C12orf42: variants seen among roughly 807,000 people sequenced by gnomAD.
The protein encoded by C12orf42 is uncharacterized protein C12orf42.
A neutral mutation model predicts 21.6 loss-of-function variants in C12orf42; 25 were observed. The observed-to-expected ratio is 1.16, with a 90% CI of 0.84 to 1.62. The LOEUF (loss-of-function observed/expected upper bound fraction) is 1.62, where lower values mean the gene tolerates loss of function less well. C12orf42 is among the 40% of genes most tolerant of loss of function. The pLI is 0.00. For missense variants in C12orf42, 483 were observed against 459.3 expected, an observed-to-expected ratio of 1.05 and a Z score of -0.47; for synonymous variants, 174 against 175.0, an observed-to-expected ratio of 0.99 and a Z score of 0.05.
chr12:103,290,127 C>T (rs1447487077), intron 4 of C12orf42, among the ~76,000 whole-genome samples: 2 of 152,144 alleles, frequency 1.3e-5, no homozygotes, highest in Non-Finnish European at 2.9e-5. Context: ...TGCATATCAG[C>T]ATCCTAAGAT....
At chr12:103,309,742 G>A (rs1044682141) in intron 4 of C12orf42, among the ~76,000 whole-genome samples, 4 of 152,216 alleles carry the variant, frequency 2.6e-5, no homozygotes, top group South Asian at 2.1e-4. Context: ...AGAAGCAACC[G>A]TGCTGGACTG....
At chr12:103,068,045 A>G in the C12orf42 span, among the ~76,000 whole-genome samples, 1 of 152,178 alleles carries the variant, frequency 6.6e-6, no homozygotes, top group African/African-American at 2.4e-5. Context: ...GTGTCACTCC[A>G]CCAGCAAAAA....
intron 4 of C12orf42, among the ~76,000 whole-genome samples, chr12:103,284,842 T>A (rs1408242132): frequency 1.3e-5 from 2 of 152,182 alleles, no homozygotes; most frequent in African/African-American, 4.8e-5. Flanking sequence ...TAAAGACTAC[T>A]ATAATATAAG....
chr12:103,091,558 T>TA, the C12orf42 span, among the ~76,000 whole-genome samples: 2 of 152,118 alleles, frequency 1.3e-5, no homozygotes, highest in African/African-American at 4.8e-5. Flanking sequence ...AAGTTCCATC[T>TA]AAAAAAATTC....
At chr12:103,317,941 T>C (rs990151408) in intron 4 of C12orf42, among the ~76,000 whole-genome samples, 4 of 152,206 alleles carry the variant, frequency 2.6e-5, no homozygotes, top group African/African-American at 9.6e-5. Context: ...GTATCCACAA[T>C]GTATTTGTCC....
intron 2 of C12orf42, among the ~76,000 whole-genome samples, chr12:103,447,256 A>G (rs1031036661): frequency 2.6e-5 from 4 of 151,974 alleles, no homozygotes; most frequent in African/African-American, 7.2e-5. Flanking sequence ...CTGCTCCTGA[A>G]TGATCACTGG....
At chr12:103,133,745 C>T in the C12orf42 span, among the ~76,000 whole-genome samples, 47 of 152,246 alleles carry the variant, frequency 3.1e-4, no homozygotes, top group East Asian at 8.7e-3. Context: ...TTCCGTAATC[C>T]CCACGTGTGG....
At chr12:103,091,297 C>A in the C12orf42 span, among the ~76,000 whole-genome samples, 1 of 151,958 alleles carries the variant, frequency 6.6e-6, no homozygotes, top group Non-Finnish European at 1.5e-5. Flanking sequence ...AAAACTACCC[C>A]GATTATCCTG....
chr12:103,219,252 C>T, the C12orf42 span, among the ~76,000 whole-genome samples: 1 of 152,094 alleles, frequency 6.6e-6, no homozygotes, highest in East Asian at 1.9e-4. Flanking sequence ...CTTATACAAA[C>T]ATTAACTTGA....
the C12orf42 span, among the ~76,000 whole-genome samples, chr12:103,524,969 G>T: frequency 2.7e-5 from 4 of 150,296 alleles, no homozygotes; most frequent in African/African-American, 4.9e-5. Flanking sequence ...TTTTGGGGGG[G>T]GGGCAGGGGG....
the C12orf42 span, among the ~76,000 whole-genome samples, chr12:103,108,360 A>T: frequency 2.0e-5 from 3 of 151,982 alleles, no homozygotes; most frequent in Non-Finnish European, 4.4e-5. Context: ...TCAGTATTAG[A>T]AAGAAAACTT....
the C12orf42 span, among the ~76,000 whole-genome samples, chr12:103,055,976 T>C: frequency 6.6e-6 from 1 of 152,080 alleles, no homozygotes; most frequent in Non-Finnish European, 1.5e-5. Flanking sequence ...TATTTTGGTA[T>C]AGATCCTTCA....
the C12orf42 span, among the ~76,000 whole-genome samples, chr12:103,127,030 T>A: frequency 6.6e-6 from 1 of 152,240 alleles, no homozygotes; most frequent in Non-Finnish European, 1.5e-5. Context: ...GTTTTACTTG[T>A]CAGATTATCA....
intron 5 of C12orf42, among the ~76,000 whole-genome samples, chr12:103,274,526 C>T (rs1593258352): frequency 6.6e-6 from 1 of 152,228 alleles, no homozygotes; most frequent in Middle Eastern, 3.4e-3. Context: ...TAGATCATTC[C>T]TCACTTGTTA....
chr12:103,461,920 T>C lies in C12orf42; in HGVS notation c.78+16429A>G, dbSNP rs573232912. 2.0e-4 allele frequency among the ~76,000 whole-genome samples: 30 copies of C among 151,956 alleles called. 1 individual carries two copies. The highest frequency in any genetic ancestry group is 7.0e-4 in the African/African-American group (29 of 41,434). On this transcript the variant is annotated intron_variant, in intron 2 of 5. Coordinates refer to ENST00000548883, the MANE Select transcript of C12orf42 (RefSeq NM_198521.5). ...TGTAAGTTGCAAAGTGCTATGCAAA[T>C]ATAATATGTTTCAAAGAAAAATAAT...
At chr12:103,518,942 C>T in the C12orf42 span, among the ~76,000 whole-genome samples, 1 of 152,136 alleles carries the variant, frequency 6.6e-6, no homozygotes, top group Non-Finnish European at 1.5e-5. Flanking sequence ...TATGGTGAGG[C>T]TTTGTGTCCC....
At chr12:103,296,788 A>G (rs1387497222) in intron 4 of C12orf42, among the ~76,000 whole-genome samples, 4 of 152,140 alleles carry the variant, frequency 2.6e-5, no homozygotes, top group African/African-American at 9.7e-5. Context: ...ATTGCAAAAA[A>G]TTTTATCCCA....
chr12:103,387,615 T>C (rs182541303), intron 3 of C12orf42, among the ~76,000 whole-genome samples: 1 of 152,372 alleles, frequency 6.6e-6, no homozygotes, highest in African/African-American at 2.4e-5. Flanking sequence ...CAGGAGAAAG[T>C]GTCCTCTTCT....
the C12orf42 span, among the ~76,000 whole-genome samples, chr12:103,204,371 C>T: frequency 1.3e-5 from 2 of 152,098 alleles, no homozygotes; most frequent in Non-Finnish European, 2.9e-5. Flanking sequence ...TCTTTTCTGC[C>T]TCCTGCTGAG....
Sources: allele counts gnomAD v4.1 joint callset (sites outside exome capture counted in the v4.1 genomes callset), GRCh38; gene constraint gnomAD v4.1.1; transcripts MANE v1.5; gene names NCBI Gene and HGNC (gene_info 2026-07-23, HGNC 2026-07-21).